The following UBQLN1 variants were observed in gnomAD, a reference collection of about 807,000 sequenced individuals.
UBQLN1 encodes the protein ubiquilin 1.
In UBQLN1, 13 loss-of-function variants were observed where a neutral mutation model predicts 65.4. The ratio of observed to expected loss-of-function variants is 0.20; its 90% CI spans 0.13 to 0.32. UBQLN1 has a LOEUF of 0.32. Ranked by LOEUF, UBQLN1 falls within the 10% of genes least tolerant of loss-of-function variation. UBQLN1 has a pLI of 1.00. For missense variants in UBQLN1, 561 were observed against 724.0 expected, an observed-to-expected ratio of 0.77 and a Z score of 2.58; for synonymous variants, 267 against 247.8, an observed-to-expected ratio of 1.08 and a Z score of -0.73.
intron 1 of UBQLN1, among the ~76,000 whole-genome samples, chr9:83,702,444 G>C (rs182703414): frequency 1.3e-4 from 19 of 151,972 alleles, no homozygotes; most frequent in African/African-American, 3.9e-4. Context: ...CAGATATCTT[G>C]CTATACTGAT....
chr9:83,673,557 A>C (rs1325222097), intron 6 of UBQLN1, among the ~76,000 whole-genome samples: 40 of 86,538 alleles, frequency 4.6e-4, no homozygotes, highest in African/African-American at 1.8e-3. Flanking sequence ...AAAAAAAAAA[A>C]AAAAAAAAAA....
At chr9:83,676,752 T>C (rs1000081685) in intron 6 of UBQLN1, among the ~76,000 whole-genome samples, 1 of 152,210 alleles carries the variant, frequency 6.6e-6, no homozygotes, top group South Asian at 2.1e-4. Flanking sequence ...AGTACAGGCA[T>C]CTTTTAAAAC....
intron 6 of UBQLN1, among the ~76,000 whole-genome samples, chr9:83,676,378 T>C (rs1245263672): frequency 6.6e-6 from 1 of 152,208 alleles, no homozygotes; most frequent in East Asian, 1.9e-4. Flanking sequence ...GTTATTACTG[T>C]AGACAATCAT....
chr9:83,691,270 G>A (rs940315621), intron 1 of UBQLN1, among the ~76,000 whole-genome samples: 2 of 152,030 alleles, frequency 1.3e-5, no homozygotes, highest in African/African-American at 2.4e-5. Flanking sequence ...TTAGTTTTAG[G>A]TAGCAGACCA....
intron 1 of UBQLN1, among the ~76,000 whole-genome samples, chr9:83,693,280 G>C (rs1319679283): frequency 6.6e-6 from 1 of 152,188 alleles, no homozygotes; most frequent in Non-Finnish European, 1.5e-5. Context: ...TTGCACATGA[G>C]TGGATTCTCC....
At chr9:83,676,428 A>G (rs768596270) in intron 6 of UBQLN1, among the ~76,000 whole-genome samples, 19 of 152,232 alleles carry the variant, frequency 1.2e-4, no homozygotes, top group Non-Finnish European at 2.5e-4. Flanking sequence ...CAGTCAGGAA[A>G]TATGATTAAA....
chr9:83,701,118 C>T (rs551288712), intron 1 of UBQLN1, among the ~76,000 whole-genome samples: 3 of 152,146 alleles, frequency 2.0e-5, no homozygotes, highest in African/African-American at 4.8e-5. Flanking sequence ...AACTTCAGAA[C>T]TCCAAAGAGT....
chr9:83,706,449 T>A (rs1332891917), intron 1 of UBQLN1, among the ~76,000 whole-genome samples: 3 of 152,112 alleles, frequency 2.0e-5, no homozygotes, highest in African/African-American at 7.2e-5. Flanking sequence ...GTTACACACC[T>A]CACTGCTTCA....
At chr9:83,684,701 C>CT (rs1194684449) in intron 2 of UBQLN1, among the ~76,000 whole-genome samples, 1 of 151,290 alleles carries the variant, frequency 6.6e-6, no homozygotes, top group African/African-American at 2.4e-5. Flanking sequence ...ATTCCAGCTA[C>CT]TTGGGAGGCT....
intron 1 of UBQLN1, among the ~76,000 whole-genome samples, chr9:83,694,283 T>C (rs569348285): frequency 1.3e-5 from 2 of 152,364 alleles, no homozygotes; most frequent in South Asian, 4.1e-4. Context: ...ATCTGAATAC[T>C]GTATTCAAAT....
intron 6 of UBQLN1, among the ~76,000 whole-genome samples, chr9:83,677,182 CAT>C (rs1304526447): frequency 2.0e-5 from 3 of 152,196 alleles, no homozygotes; most frequent in Non-Finnish European, 4.4e-5. Context: ...AGACAGCAAA[CAT>C]GTGCTCTAGT....
At chr9:83,690,312 A>T (rs1315395683) in intron 1 of UBQLN1, among the ~76,000 whole-genome samples, 1 of 152,118 alleles carries the variant, frequency 6.6e-6, no homozygotes, top group Non-Finnish European at 1.5e-5. Flanking sequence ...ACGAGCGAAA[A>T]AGCCAGTCAC....
chr9:83,692,213 T>C (rs1832139799), intron 1 of UBQLN1, among the ~76,000 whole-genome samples: 1 of 152,188 alleles, frequency 6.6e-6, no homozygotes, highest in Admixed American at 6.5e-5. Flanking sequence ...TTAAATCAAG[T>C]TAAATAATGT....
chr9:83,664,773 G>C (rs1831615877), intron 9 of UBQLN1, among the ~76,000 whole-genome samples: 1 of 151,328 alleles, frequency 6.6e-6, no homozygotes, highest in Admixed American at 6.6e-5. Flanking sequence ...ATATAAATTA[G>C]CTAGGTGTGG....
At chr9:83,683,649 T>C (rs1396227698) in intron 2 of UBQLN1, among the ~76,000 whole-genome samples, 4 of 152,216 alleles carry the variant, frequency 2.6e-5, no homozygotes, top group African/African-American at 4.8e-5. Flanking sequence ...ATATTGCTTA[T>C]GTAAGAGATG....
At position 83,685,668 on chromosome 9, in the gene UBQLN1, C is replaced by T. The variant is rs1040532757; in HGVS notation, c.332+336G>A. On this transcript the variant is annotated intron_variant, in intron 2 of 10. Coordinates refer to ENST00000376395, the MANE Select transcript of UBQLN1 (RefSeq NM_013438.5). Reference sequence around the variant, plus strand: ...ACTTAAAGAAATATGATTATCAATTCGTGGTTTGCTAAGGAGATAAGTTAC... The same window carrying T: ...ACTTAAAGAAATATGATTATCAATTTGTGGTTTGCTAAGGAGATAAGTTAC... Among the ~76,000 whole-genome samples the T allele has an allele frequency of 3.3e-5, 5 of 150,694 alleles. No homozygotes were observed. In the East Asian group the frequency reaches 5.8e-4, roughly 18 times the overall value.
intron 1 of UBQLN1, among the ~76,000 whole-genome samples, chr9:83,705,886 A>G (rs1282307665): frequency 6.6e-6 from 1 of 152,032 alleles, no homozygotes; most frequent in East Asian, 1.9e-4. Flanking sequence ...GCTCTATGGG[A>G]TCCCATTTAA....
intron 6 of UBQLN1, 40 bp downstream of exon 6, chr9:83,677,687 A>G: frequency 6.9e-7 from 1 of 1,447,126 alleles, no homozygotes; most frequent in Non-Finnish European, 9.6e-7. Flanking sequence ...TATGTAAATG[A>G]GGACAACAAA....
chr9:83,680,186 A>G (rs1189319183), intron 3 of UBQLN1, 149 bp from the exon 4 acceptor site: 4 of 885,382 alleles, frequency 4.5e-6, no homozygotes, highest in Non-Finnish European at 6.5e-6. Context: ...ACCTATTACT[A>G]ATATTTAATT....
Sources: allele counts gnomAD v4.1 joint callset (sites outside exome capture counted in the v4.1 genomes callset), GRCh38; gene constraint gnomAD v4.1.1; transcripts MANE v1.5; gene names NCBI Gene and HGNC (gene_info 2026-07-23, HGNC 2026-07-21).